Variants in GPR176 observed in about 807,000 individuals in gnomAD.
The protein encoded by GPR176 is G-protein coupled receptor 176.
In GPR176, 26 loss-of-function variants were observed where a neutral mutation model predicts 35.4. The observed-to-expected ratio is 0.74, with a 90% CI of 0.54 to 1.02. GPR176 has a LOEUF of 1.02. Among genes scored for constraint, GPR176 ranks in the 50% least tolerant of loss-of-function variants. GPR176 has a pLI of 0.00. For synonymous variants in GPR176, 278 were observed against 271.3 expected (o/e 1.02, Z -0.24); for missense variants, 597 against 665.3 (o/e 0.90, Z 1.13).
intron 1 of GPR176, among the ~76,000 whole-genome samples, chr15:39,906,750 G>A (rs950476347): frequency 6.6e-6 from 1 of 152,224 alleles, no homozygotes; most frequent in Admixed American, 6.5e-5. Context: ...GGCTATGGAT[G>A]AAATTCATGT....
At chr15:39,817,070 A>AAAAAAAAAAG in intron 1 of GPR176, among the ~76,000 whole-genome samples, 1 of 148,984 alleles carries the variant, frequency 6.7e-6, no homozygotes, top group Admixed American at 6.6e-5. Flanking sequence ...TTCTGTCTCA[A>AAAAAAAAAAG]AAAAAAAAAA....
At chr15:39,900,543 A>T (rs898563971) in intron 1 of GPR176, among the ~76,000 whole-genome samples, 57 of 152,240 alleles carry the variant, frequency 3.7e-4, no homozygotes, top group African/African-American at 1.3e-3. Flanking sequence ...CTGCCCACGT[A>T]CTCCCGTTGT....
In GPR176 at chr15:39,831,555, C is replaced by T. The variant is rs180917051; in HGVS notation, c.173-24297G>A. On this transcript the variant is annotated intron_variant, in intron 1 of 2. Coordinates refer to ENST00000561100, the MANE Select transcript of GPR176 (RefSeq NM_007223.3). ...TCTCTATGTCCATAAAATGTACCTCCTTCCACTCAATGGCCCAAACCAGAT... is the reference window on the plus strand; with the variant it reads ...TCTCTATGTCCATAAAATGTACCTCTTTCCACTCAATGGCCCAAACCAGAT... Among the ~76,000 whole-genome samples the T allele has an allele frequency of 7.9e-5, 12 of 152,186 alleles. 1 individual carries two copies. The highest frequency in any genetic ancestry group is 2.6e-4 in the Admixed American group (4 of 15,266).
intron 1 of GPR176, among the ~76,000 whole-genome samples, chr15:39,883,804 T>C (rs564670941): frequency 6.6e-6 from 1 of 152,336 alleles, no homozygotes; most frequent in South Asian, 2.1e-4. Flanking sequence ...CAGCAATCTA[T>C]TGTTTTCTAT....
intron 1 of GPR176, among the ~76,000 whole-genome samples, chr15:39,810,005 C>T (rs573936816): frequency 3.3e-5 from 5 of 152,018 alleles, no homozygotes; most frequent in Non-Finnish European, 4.4e-5. Flanking sequence ...ATTAGCCCAG[C>T]GTGGTTGCGG....
chr15:39,906,209 G>A (rs1206419394), intron 1 of GPR176, among the ~76,000 whole-genome samples: 2 of 152,154 alleles, frequency 1.3e-5, no homozygotes, highest in Non-Finnish European at 2.9e-5. Context: ...CAAAAAGCAT[G>A]GTTTTCAACC....
chr15:39,897,903 T>C (rs2033166383), intron 1 of GPR176, among the ~76,000 whole-genome samples: 1 of 152,176 alleles, frequency 6.6e-6, no homozygotes, highest in East Asian at 1.9e-4. Flanking sequence ...CTATTCCCTA[T>C]TATTGTTGAG....
At chr15:39,901,599 A>T (rs2033279450) in intron 1 of GPR176, among the ~76,000 whole-genome samples, 4 of 152,274 alleles carry the variant, frequency 2.6e-5, no homozygotes, top group Admixed American at 2.6e-4. Context: ...TCTTCTAATG[A>T]CCTTAGCACT....
intron 1 of GPR176, chr15:39,815,386 T>C (rs1339866909): frequency 6.6e-6 from 1 of 152,300 alleles, no homozygotes; most frequent in Admixed American, 6.5e-5. Context: ...TTGTCTCATG[T>C]GGTCAGAACG....
rs528894123 is a variant in GPR176 at position 39,866,048 on chromosome 15, T to C, written c.172+53807A>G. 5.3e-5 allele frequency among the ~76,000 whole-genome samples: 8 copies of C among 152,084 alleles called. No homozygotes were observed. The East Asian group carries it at 1.5e-3, about 29-fold the overall frequency. Reference sequence around the variant, plus strand: ...TGAGCAAGATCTCTGTGAGTAGATATGAAAGGATTTTTTCCAAGACATATT... The same window carrying C: ...TGAGCAAGATCTCTGTGAGTAGATACGAAAGGATTTTTTCCAAGACATATT... On this transcript the variant is annotated intron_variant, in intron 1 of 2. Transcript: ENST00000561100.
intron 1 of GPR176, among the ~76,000 whole-genome samples, chr15:39,843,778 A>C (rs1308708591): frequency 6.6e-6 from 1 of 152,192 alleles, no homozygotes; most frequent in African/African-American, 2.4e-5. Flanking sequence ...ATATAGCTTA[A>C]AGATCTCGTG....
At position 39,801,263 on chromosome 15, in the gene GPR176, T is replaced by G. The variant is rs1898831350; in HGVS notation, c.1417A>C (p.Lys473Gln). Residue 473 changes from lysine (K) to glutamine (Q), a missense_variant, in exon 3 of 3, where the codon AAG becomes CAG. Physicochemically the swap from Lys to Gln is moderately conservative, Grantham distance 53 (BLOSUM62 1). Coordinates refer to ENST00000561100, the MANE Select transcript of GPR176 (RefSeq NM_007223.3). ...TTGCCCAAGGGGGGAAGCAGCCGCT[T>G]CTTGCTGTTTCGGGTCTCTGAGAGC... is the stretch of plus-strand genomic sequence containing the variant. ...QWLSETRNSK[K>Q]RLLPPLGNTP... is the part of the protein sequence containing the mutation. The G allele has an allele frequency of 6.2e-7, 1 of 1,614,186 alleles. No individual in the cohort carries two copies.
chr15:39,802,573 G>A (rs1458853968), intron 2 of GPR176, among the ~76,000 whole-genome samples: 3 of 152,278 alleles, frequency 2.0e-5, no homozygotes, highest in East Asian at 1.9e-4. Flanking sequence ...GGATGAAATC[G>A]CAAACAGTAC....
intron 1 of GPR176, among the ~76,000 whole-genome samples, chr15:39,855,732 T>A (rs1012240875): frequency 1.3e-5 from 2 of 152,204 alleles, no homozygotes; most frequent in African/African-American, 4.8e-5. Context: ...TTGCCAAATA[T>A]CCTCTAATAA....
intron 1 of GPR176, among the ~76,000 whole-genome samples, chr15:39,811,691 C>T (rs1477123453): frequency 6.6e-6 from 1 of 152,016 alleles, no homozygotes; most frequent in Non-Finnish European, 1.5e-5. Context: ...CCAAGGCGGG[C>T]AGATCACGAG....
At chr15:39,850,674 G>A (rs2030800978) in intron 1 of GPR176, among the ~76,000 whole-genome samples, 1 of 152,076 alleles carries the variant, frequency 6.6e-6, no homozygotes, top group Non-Finnish European at 1.5e-5. Context: ...TCAATATCCT[G>A]GCTGTGATAT....
rs542145231 is a variant in GPR176 at position 39,855,158 on chromosome 15, C to A, written c.173-47900G>T. Among the ~76,000 whole-genome samples, 8 of 152,240 alleles carry A rather than the reference C, an allele frequency of 5.3e-5. No homozygotes were observed. In the South Asian group the frequency reaches 1.7e-3, roughly 32 times the overall value. On this transcript the variant is annotated intron_variant, in intron 1 of 2. Coordinates refer to ENST00000561100, the MANE Select transcript of GPR176 (RefSeq NM_007223.3). ...AAGAACTCTCTTAACAAAGATGAGTCTTTCCCAGAAGGAATTTTCATAGTA... is the reference window on the plus strand; with the variant it reads ...AAGAACTCTCTTAACAAAGATGAGTATTTCCCAGAAGGAATTTTCATAGTA...
At chr15:39,875,106 C>T (rs1330504673) in intron 1 of GPR176, among the ~76,000 whole-genome samples, 1 of 152,166 alleles carries the variant, frequency 6.6e-6, no homozygotes, top group Non-Finnish European at 1.5e-5. Flanking sequence ...CTACCATAGA[C>T]TAACAACAGA....
chr15:39,877,851 C>T (rs570251641), intron 1 of GPR176, among the ~76,000 whole-genome samples: 4 of 152,038 alleles, frequency 2.6e-5, no homozygotes, highest in African/African-American at 7.2e-5. Flanking sequence ...AGTGAGCCAC[C>T]GCACCCTGCC....
Sources: gnomAD v4.1 joint callset for allele counts (sites outside exome capture counted in the v4.1 genomes callset) on GRCh38, gnomAD v4.1.1 for gene constraint, MANE v1.5 for transcripts, NCBI Gene and HGNC (gene_info 2026-07-23, HGNC 2026-07-21) for gene names.